The following ZNF701 variants were observed in gnomAD, a reference collection of about 807,000 sequenced individuals.
ZNF701 encodes zinc finger protein 701.
In ZNF701, 6 loss-of-function variants were observed where a neutral mutation model predicts 7.1. The observed-to-expected ratio is 0.84, with a 90% CI of 0.46 to 1.66. The LOEUF (loss-of-function observed/expected upper bound fraction) is 1.66. Ranked by LOEUF, ZNF701 falls within the 40% of genes most tolerant of loss-of-function variation. The pLI, the probability that ZNF701 is intolerant of heterozygous loss-of-function variation, is 0.01. For synonymous variants in ZNF701, 166 were observed against 188.2 expected (o/e 0.88, Z 0.97); for missense variants, 541 against 559.2 (o/e 0.97, Z 0.33).
chr19:52,576,885 A>C (rs561464281), intron 3 of ZNF701, among the ~76,000 whole-genome samples: 1 of 152,272 alleles, frequency 6.6e-6, no homozygotes, highest in East Asian at 1.9e-4. Flanking sequence ...TGGAGAGTGA[A>C]GTGAAAATAT....
intron 1 of ZNF701, among the ~76,000 whole-genome samples, chr19:52,572,019 C>T (rs1040217126): frequency 1.3e-5 from 2 of 152,016 alleles, no homozygotes; most frequent in African/African-American, 2.4e-5. Flanking sequence ...GATGGGGTTT[C>T]TCCATATTGG....
intron 3 of ZNF701, among the ~76,000 whole-genome samples, chr19:52,581,873 C>T (rs1354066185): frequency 6.6e-6 from 1 of 152,070 alleles, no homozygotes; most frequent in African/African-American, 2.4e-5. Context: ...TTTTTCTCTT[C>T]TTTGATGTGA....
the ZNF701 span, chr19:52,597,625 G>GAT: frequency 2.3e-4 from 80 of 354,636 alleles, no homozygotes; most frequent in East Asian, 5.2e-4. Context: ...ATAGATCACA[G>GAT]CCACACCTGG....
intron 1 of ZNF701, among the ~76,000 whole-genome samples, chr19:52,573,727 G>T (rs781029353): frequency 2.6e-5 from 4 of 152,178 alleles, no homozygotes; most frequent in Non-Finnish European, 5.9e-5. Flanking sequence ...ATGTTGCCCA[G>T]GCTGGTCTCA....
chr19:52,583,379 T>C lies in ZNF701; in HGVS notation c.1320T>C (p.Cys440=), dbSNP rs760041911. 3 of 1,613,504 alleles carry C rather than the reference T, an allele frequency of 1.9e-6. No homozygotes were observed. The highest frequency in any genetic ancestry group is 2.5e-6 in the Non-Finnish European group (3 of 1,179,532). Reference sequence around the variant, plus strand: ...ATACTGGAGAGAAACCTTACAAGTGTAATGAATGTGGCAAGGTTTTTAATC... The same window carrying C: ...ATACTGGAGAGAAACCTTACAAGTGCAATGAATGTGGCAAGGTTTTTAATC... The part of the protein sequence containing the change: ...RLHTGEKPYK[C]NECGKVFNRK... The change falls in exon 4 of 4, where the codon TGT becomes TGC. Residue 440 remains cysteine, a synonymous_variant. Coordinates refer to ENST00000391785, the MANE Select transcript of ZNF701 (RefSeq NM_018260.3).
chr19:52,573,689 G>C (rs1015287665), intron 1 of ZNF701, among the ~76,000 whole-genome samples: 3 of 152,132 alleles, frequency 2.0e-5, no homozygotes, highest in Non-Finnish European at 4.4e-5. Context: ...CTAAGTTTTT[G>C]TATTTTTGGT....
downstream of ZNF701, chr19:52,592,000 G>A (rs1042446704): frequency 3.2e-5 from 19 of 585,676 alleles, no homozygotes; most frequent in South Asian, 3.0e-4. Flanking sequence ...TCAGAACACC[G>A]TCTTGGATCA....
chr19:52,598,428 G>T, the ZNF701 span, among the ~76,000 whole-genome samples: 4 of 152,126 alleles, frequency 2.6e-5, no homozygotes, highest in Admixed American at 1.3e-4. Flanking sequence ...GGCAGGGTGG[G>T]GGAGAGGGGC....
chr19:52,598,456 G>C, the ZNF701 span, among the ~76,000 whole-genome samples: 1 of 152,096 alleles, frequency 6.6e-6, no homozygotes, highest in Non-Finnish European at 1.5e-5. Flanking sequence ...TCGGTAAAGG[G>C]GTGGAGTGGC....
chr19:52,582,476 G>A lies in ZNF701; in HGVS notation c.417G>A (p.Glu139=). Residue 139 remains glutamate (E), a synonymous_variant, in exon 4 of 4, where the codon GAG becomes GAA. Transcript: ENST00000391785. ...CTGGAAACAAACCTATTAAAAATGA[G>A]CTTGGATCAAGCTTTCATTCGCATC... ...RHAGNKPIKN[E]LGSSFHSHLP... 2 of 1,614,194 alleles carry A rather than the reference G, an allele frequency of 1.2e-6. No individual in the cohort carries two copies. Among genetic ancestry groups the A allele is most frequent in the South Asian group, 1.1e-5 (1 of 91,086 alleles).
the ZNF701 span, among the ~76,000 whole-genome samples, chr19:52,592,602 C>G: frequency 5.3e-5 from 8 of 152,034 alleles, no homozygotes; most frequent in Non-Finnish European, 1.0e-4. Context: ...TTTTTTGTTT[C>G]ATTTTGTTTT....
At position 52,575,223 on chromosome 19, in the gene ZNF701, C is replaced by T. The variant is rs185382279; in HGVS notation, c.16-672C>T. The stretch of plus-strand genomic sequence containing the variant: ...TGACCTTGTGATCCACCCGCCTCAG[C>T]CCCCCAAAGTGCTGGGATTACAGGC... On this transcript the variant is annotated intron_variant, in intron 2 of 3. Coordinates refer to ENST00000391785, the MANE Select transcript of ZNF701 (RefSeq NM_018260.3). Among the ~76,000 whole-genome samples, 730 of 152,234 alleles carry T rather than the reference C, an allele frequency of 4.8e-3. 3 individuals carry two copies. The highest frequency in any genetic ancestry group is 7.9e-3 in the Non-Finnish European group (540 of 68,020).
rs562081797 is a variant in ZNF701 at position 52,579,836 on chromosome 19, C to T, written c.143-2366C>T. ...TTGCAGTGAGCTGAGATCGCACCGT[C>T]GCACTCCAGCATGGGAGACAGAGTG... On this transcript the variant is annotated intron_variant, in intron 3 of 3. Transcript: ENST00000391785. 9.4e-5 allele frequency among the ~76,000 whole-genome samples: 13 copies of T among 138,820 alleles called. 1 individual carries two copies. Among genetic ancestry groups the T allele is most frequent in the South Asian group, 4.3e-4 (2 of 4,668 alleles). 91.1% of individuals were successfully genotyped at this position (138,820 alleles called of 152,430 possible).
In ZNF701 at chr19:52,579,703, G is replaced by A. The variant is rs548439080; in HGVS notation, c.143-2499G>A. Among the ~76,000 whole-genome samples, 387 of 138,356 alleles carry A rather than the reference G, an allele frequency of 2.8e-3. 12 individuals carry two copies. Among genetic ancestry groups the A allele is most frequent in the Non-Finnish European group, 4.0e-3 (270 of 67,116 alleles). 90.8% of individuals were successfully genotyped at this position (138,356 alleles called of 152,430 possible). A position where few individuals can be genotyped will look rare whatever the true frequency, so the allele number is the denominator to read the frequency against. ...AGCCTAGTTAACATGGTGAAACTTC[G>A]TCTCTAGTAAAATTACAAAAATTAT... On this transcript the variant is annotated intron_variant, in intron 3 of 3. Coordinates refer to ENST00000391785, the MANE Select transcript of ZNF701 (RefSeq NM_018260.3).
chr19:52,597,608 A>G, the ZNF701 span: 2 of 358,820 alleles, frequency 5.6e-6, no homozygotes, highest in Non-Finnish European at 1.1e-5. Context: ...TTGGGAGCCC[A>G]AGGCTGATAG....
Position 52,585,679 on chromosome 19 carries a change from A to G in ZNF701, c.*2222A>G, listed in dbSNP as rs926879699. The G allele has an allele frequency of 1.3e-5, 2 of 150,510 alleles. No individual in the cohort carries two copies. Among genetic ancestry groups the G allele is most frequent in the African/African-American group, 4.8e-5 (2 of 41,336 alleles). The allele number at this position is 150,510 out of a possible 1,614,324, so 9.3% of individuals were successfully genotyped here. ...CGAGCGTCTCCAGGGCCCCATTTAC[A>G]AAGTTTTTGGAGGTTATTTTTTTTT... On this transcript the variant is annotated 3_prime_UTR_variant, in exon 4 of 4. Transcript: ENST00000391785.
the ZNF701 span, chr19:52,597,572 T>C: frequency 2.7e-6 from 1 of 364,678 alleles, no homozygotes; most frequent in South Asian, 2.1e-5. Context: ...CCAGGTGGGG[T>C]GGCTCATGCC....
At chr19:52,577,144 G>A (rs1461860786) in intron 3 of ZNF701, among the ~76,000 whole-genome samples, 1 of 152,092 alleles carries the variant, frequency 6.6e-6, no homozygotes, top group Non-Finnish European at 1.5e-5. Flanking sequence ...GTGTTGCCCA[G>A]GCTACAGTGC....
At chr19:52,592,404 T>C in the ZNF701 span, among the ~76,000 whole-genome samples, 38 of 152,358 alleles carry the variant, frequency 2.5e-4, no homozygotes, top group African/African-American at 9.1e-4. Context: ...GACTCCCTTA[T>C]GGAGTGGTTT....
Sources: allele counts gnomAD v4.1 joint callset (sites outside exome capture counted in the v4.1 genomes callset), GRCh38; gene constraint gnomAD v4.1.1; transcripts MANE v1.5; gene names NCBI Gene and HGNC (gene_info 2026-07-23, HGNC 2026-07-21).